C12orf50: variants seen among roughly 807,000 people sequenced by gnomAD.
C12orf50 encodes zinc finger CCCH-type containing 11D.
A neutral mutation model predicts 61.6 loss-of-function variants in C12orf50; 35 were observed. That is an observed-to-expected ratio of 0.57 (90% CI 0.43 to 0.75). The LOEUF (loss-of-function observed/expected upper bound fraction) is 0.75. C12orf50 is among the 30% of genes least tolerant of loss of function. The pLI is 0.00. For missense variants in C12orf50, 475 were observed against 488.5 expected (o/e 0.97, Z 0.26); for synonymous variants, 178 against 161.5 (o/e 1.10, Z -0.77).
At chr12:88,000,104 G>A (rs2031590176) in intron 3 of C12orf50, among the ~76,000 whole-genome samples, 1 of 151,996 alleles carries the variant, frequency 6.6e-6, no homozygotes, top group Non-Finnish European at 1.5e-5. Flanking sequence ...GGAAAGAAAT[G>A]AGAGGTAACC....
At chr12:87,980,625 G>T (rs773371007) in intron 12 of C12orf50, among the ~76,000 whole-genome samples, 5 of 152,070 alleles carry the variant, frequency 3.3e-5, no homozygotes, top group African/African-American at 1.2e-4. Flanking sequence ...TGAACAGAAC[G>T]AAGGCTCCAT....
chr12:87,987,765 T>A (rs974261071), intron 9 of C12orf50, 85 bp downstream of exon 9: 2 of 909,242 alleles, frequency 2.2e-6, no homozygotes, highest in East Asian at 2.7e-5. Context: ...CTTTCTTTTT[T>A]AAAATTCTAT....
intron 3 of C12orf50, among the ~76,000 whole-genome samples, chr12:88,014,111 T>C (rs1379492072): frequency 2.6e-5 from 4 of 152,164 alleles, no homozygotes; most frequent in Non-Finnish European, 5.9e-5. Flanking sequence ...CAGTCTTCTA[T>C]AAAATATAAA....
chr12:87,986,101 A>G (rs1415270185), intron 10 of C12orf50, 48 bp from the exon 11 acceptor site: 11 of 1,565,032 alleles, frequency 7.0e-6, no homozygotes, highest in African/African-American at 2.7e-5. Context: ...GGCTGGTTTC[A>G]CACCCATAAA....
intron 3 of C12orf50, among the ~76,000 whole-genome samples, chr12:88,003,842 AT>A (rs2031747846): frequency 6.6e-6 from 1 of 152,014 alleles, no homozygotes; most frequent in South Asian, 2.1e-4. Flanking sequence ...ATGCAGATTA[AT>A]TTTTTAATTA....
intron 3 of C12orf50, 107 bp from the exon 4 acceptor site, chr12:87,998,297 G>T: frequency 3.9e-6 from 3 of 773,434 alleles, no homozygotes; most frequent in Non-Finnish European, 3.8e-6. Context: ...ATTTTAAAAT[G>T]TGTACAATAA....
chr12:88,027,042 T>G lies in C12orf50; in HGVS notation c.-80A>C, dbSNP rs763233608. ...CACAGTGTCACTGCCAAGGGCCTCTTCACAGTGTCGGAATCGGCACTGGGA... is the reference window on the plus strand; with the variant it reads ...CACAGTGTCACTGCCAAGGGCCTCTGCACAGTGTCGGAATCGGCACTGGGA... On this transcript the variant is annotated 5_prime_UTR_variant, in exon 2 of 13. Transcript: ENST00000298699. 2 of 1,613,376 alleles carry G rather than the reference T, an allele frequency of 1.2e-6. No homozygotes were observed. The highest frequency in any genetic ancestry group is 2.2e-5 in the South Asian group (2 of 90,892).
At chr12:88,004,096 T>G (rs2031758530) in intron 3 of C12orf50, among the ~76,000 whole-genome samples, 1 of 151,916 alleles carries the variant, frequency 6.6e-6, no homozygotes, top group Non-Finnish European at 1.5e-5. Context: ...ACTCCAAAAT[T>G]TCAATTTGTT....
chr12:87,986,269 T>C (rs1324656117), intron 10 of C12orf50, 43 bp downstream of exon 10: 1 of 1,419,558 alleles, frequency 7.0e-7, no homozygotes, highest in Admixed American at 2.2e-5. Context: ...TTAATCTCTT[T>C]TAAAATTACA....
chr12:88,015,179 T>A (rs1565757977), intron 3 of C12orf50, among the ~76,000 whole-genome samples: 1 of 152,178 alleles, frequency 6.6e-6, no homozygotes, highest in Non-Finnish European at 1.5e-5. Context: ...AGAACTTTTA[T>A]CCTTATAACC....
intron 3 of C12orf50, among the ~76,000 whole-genome samples, chr12:88,016,125 C>G (rs1174177080): frequency 6.6e-6 from 1 of 152,058 alleles, no homozygotes; most frequent in Non-Finnish European, 1.5e-5. Flanking sequence ...CTCAATTCAT[C>G]AAGCAGAAGC....
chr12:87,992,438 C>G (rs756787994), intron 7 of C12orf50, among the ~76,000 whole-genome samples: 1 of 151,816 alleles, frequency 6.6e-6, no homozygotes, highest in South Asian at 2.1e-4. Context: ...GAGAGAAATG[C>G]CCACGTTTGT....
At chr12:88,013,350 G>C (rs994900460) in intron 3 of C12orf50, among the ~76,000 whole-genome samples, 1 of 152,126 alleles carries the variant, frequency 6.6e-6, no homozygotes, top group Non-Finnish European at 1.5e-5. Flanking sequence ...AGATTGTCAG[G>C]TGATTCCTAT....
At position 87,994,200 on chromosome 12, in the gene C12orf50, C is replaced by CATAA. The variant is rs35524012; in HGVS notation, c.592+429_592+432dup. On this transcript the variant is annotated intron_variant, in intron 7 of 12. Coordinates refer to ENST00000298699, the MANE Select transcript of C12orf50 (RefSeq NM_152589.3). ...AGGTGACAAAGTGAGACTTCCATCT[C>CATAA]ATAAATAAATAAATAAATAAATAAA... Among the ~76,000 whole-genome samples, 847 of 151,240 alleles carry CATAA rather than the reference C, an allele frequency of 5.6e-3. 4 individuals are homozygous for CATAA. The highest frequency in any genetic ancestry group is 0.04 in the East Asian group (206 of 5,140).
chr12:87,992,169 T>G (rs2031155984), intron 7 of C12orf50, among the ~76,000 whole-genome samples: 1 of 152,208 alleles, frequency 6.6e-6, no homozygotes, highest in Non-Finnish European at 1.5e-5. Context: ...TTAAGACTTC[T>G]GAACTTTGTT....
At chr12:88,024,652 A>C (rs2032637015) in intron 3 of C12orf50, among the ~76,000 whole-genome samples, 1 of 152,160 alleles carries the variant, frequency 6.6e-6, no homozygotes, top group Non-Finnish European at 1.5e-5. Flanking sequence ...GGATCAGAAA[A>C]AATATCTATC....
chr12:88,015,233 T>C (rs76086473), intron 3 of C12orf50, among the ~76,000 whole-genome samples: 6,092 of 152,286 alleles, frequency 0.04, 418 homozygotes, highest in African/African-American at 0.14. Flanking sequence ...GCACAAAAAT[T>C]AGTGTGTGTG....
rs1028211210 is a variant in C12orf50, at chr12:88,020,282, C to T, written c.133+6206G>A. On this transcript the variant is annotated intron_variant, in intron 3 of 12. Coordinates refer to ENST00000298699, the MANE Select transcript of C12orf50 (RefSeq NM_152589.3). Reference sequence around the variant, plus strand: ...GAAGCAAGACCCACTAACATGCTGTCTTCAAGACACCCATTGCACATATTA... The same window carrying T: ...GAAGCAAGACCCACTAACATGCTGTTTTCAAGACACCCATTGCACATATTA... Among the ~76,000 whole-genome samples the T allele has an allele frequency of 1.5e-4, 23 of 152,272 alleles. 1 individual carries two copies. Among genetic ancestry groups the T allele is most frequent in the Admixed American group, 1.1e-3 (17 of 15,302 alleles).
rs2031860218 is a variant in C12orf50 at position 88,005,988 on chromosome 12, C to T, written c.134-7798G>A. 2.1e-5 allele frequency among the ~76,000 whole-genome samples: 3 copies of T among 145,200 alleles called. No homozygotes were observed. The Admixed American group carries it at 2.1e-4, about 10-fold the overall frequency. On this transcript the variant is annotated intron_variant, in intron 3 of 12. Coordinates refer to ENST00000298699, the MANE Select transcript of C12orf50 (RefSeq NM_152589.3). The stretch of plus-strand genomic sequence containing the variant: ...CTGGAGTGCAGTGGCGCAATCTCGG[C>T]TCACTGCAAGCTCCGCCTCCCGGGT...
Sources: allele counts gnomAD v4.1 joint callset (sites outside exome capture counted in the v4.1 genomes callset), GRCh38; gene constraint gnomAD v4.1.1; transcripts MANE v1.5; gene names NCBI Gene and HGNC (gene_info 2026-07-23, HGNC 2026-07-21).